PRKAA2: variants seen among roughly 807,000 people sequenced by gnomAD.
PRKAA2 encodes 5'-AMP-activated protein kinase catalytic subunit alpha-2.
Under a neutral mutation model 56.3 loss-of-function variants are expected in PRKAA2, and 40 were observed. The observed-to-expected ratio is 0.71, with a 90% confidence interval of 0.55 to 0.92. The LOEUF is 0.92. PRKAA2 is among the 40% of genes least tolerant of loss of function. PRKAA2 has a pLI of 0.00. For synonymous variants in PRKAA2, 214 were observed against 234.2 expected (o/e 0.91, Z 0.79); for missense variants, 542 against 686.9 (o/e 0.79, Z 2.36).
intron 2 of PRKAA2, among the ~76,000 whole-genome samples, chr1:56,689,896 A>T (rs1644215618): frequency 1.3e-5 from 1 of 74,242 alleles, no homozygotes; most frequent in Non-Finnish European, 2.4e-5. Context: ...ACAGACACAC[A>T]GACACACACA....
intron 2 of PRKAA2, among the ~76,000 whole-genome samples, chr1:56,685,102 A>G (rs1016162930): frequency 9.9e-5 from 15 of 152,188 alleles, no homozygotes; most frequent in African/African-American, 2.9e-4. Context: ...GAGGCATTCA[A>G]AGAACTTAAA....
At chr1:56,704,528 A>G in intron 7 of PRKAA2, 53 bp downstream of exon 7, 2 of 1,523,664 alleles carry the variant, frequency 1.3e-6, no homozygotes, top group Non-Finnish European at 1.7e-6. Context: ...TTTCTATATT[A>G]TAAGCTGCTC....
At chr1:56,668,373 C>T (rs910842704) in intron 1 of PRKAA2, among the ~76,000 whole-genome samples, 4 of 149,810 alleles carry the variant, frequency 2.7e-5, no homozygotes, top group African/African-American at 9.9e-5. Context: ...ATGTAACAAA[C>T]CTGCACATTG....
At chr1:56,688,696 A>G (rs1437104770) in intron 2 of PRKAA2, among the ~76,000 whole-genome samples, 1 of 152,264 alleles carries the variant, frequency 6.6e-6, no homozygotes, top group Admixed American at 6.5e-5. Context: ...CAAACAACAG[A>G]GATGGCAAGG....
intron 1 of PRKAA2, among the ~76,000 whole-genome samples, chr1:56,669,636 C>T (rs1644061224): frequency 6.6e-6 from 1 of 152,058 alleles, no homozygotes; most frequent in South Asian, 2.1e-4. Context: ...GTGTTCCTGA[C>T]AATAGGCGAA....
rs1644379770 is a variant in PRKAA2 at position 56,713,115 on chromosome 1, T to A, written c.*5402T>A. 6.6e-6 allele frequency: 1 copy of A among 152,192 alleles called. No individual in the cohort carries two copies. Among genetic ancestry groups the A allele is most frequent in the Non-Finnish European group, 1.5e-5 (1 of 68,036 alleles). The allele number at this position is 152,192 out of a possible 1,614,324, so 9.4% of individuals were successfully genotyped here. A position where few individuals can be genotyped will look rare whatever the true frequency, so the allele number is the denominator to read the frequency against. On this transcript the variant is annotated 3_prime_UTR_variant, in exon 9 of 9. Coordinates refer to ENST00000371244, the MANE Select transcript of PRKAA2 (RefSeq NM_006252.4). ...TTTGAGCTTTAAAAATTATAAAAAC[T>A]TCATTTAAACAAGTTGCTGGCATCA...
intron 1 of PRKAA2, among the ~76,000 whole-genome samples, chr1:56,652,062 GAGTGC>G (rs1643902995): frequency 6.7e-6 from 1 of 148,698 alleles, no homozygotes; most frequent in South Asian, 2.2e-4. Context: ...CACCAGTCTG[GAGTGC>G]AGTGGCGCGA....
At position 56,714,078 on chromosome 1, in the gene PRKAA2, A is replaced by G. The variant is rs1277226792; in HGVS notation, c.*6365A>G. ...AGTTGTTCACTAAATGTATTTTCCTATTTCTTTCATGTTGATTGACTTTAT... is the reference window on the plus strand; with the variant it reads ...AGTTGTTCACTAAATGTATTTTCCTGTTTCTTTCATGTTGATTGACTTTAT... On this transcript the variant is annotated 3_prime_UTR_variant, in exon 9 of 9. Coordinates refer to ENST00000371244, the MANE Select transcript of PRKAA2 (RefSeq NM_006252.4). 1 of 152,052 alleles carries G rather than the reference A, an allele frequency of 6.6e-6. No homozygotes were observed. Among genetic ancestry groups the G allele is most frequent in the Non-Finnish European group, 1.5e-5 (1 of 67,974 alleles). 9.4% of individuals were successfully genotyped at this position (152,052 alleles called of 1,614,324 possible).
Position 56,712,299 on chromosome 1 carries a change from T to C in PRKAA2, c.*4586T>C, listed in dbSNP as rs566479205. On this transcript the variant is annotated 3_prime_UTR_variant, in exon 9 of 9. Transcript: ENST00000371244. ...TGAATTAATAAAACATCAGAGTGGT[T>C]GAGTAGTAAAAATAAACACAGATGT... is the stretch of plus-strand genomic sequence containing the variant. The C allele has an allele frequency of 6.6e-6, 1 of 152,228 alleles. No homozygotes were observed. The highest frequency in any genetic ancestry group is 2.1e-4 in the South Asian group (1 of 4,828). The allele number at this position is 152,228 out of a possible 1,614,324, so 9.4% of individuals were successfully genotyped here.
intron 1 of PRKAA2, among the ~76,000 whole-genome samples, chr1:56,666,263 A>G (rs1644035048): frequency 6.6e-6 from 1 of 152,198 alleles, no homozygotes; most frequent in African/African-American, 2.4e-5. Flanking sequence ...ATGATAAATG[A>G]GACACAGACC....
intron 6 of PRKAA2, among the ~76,000 whole-genome samples, chr1:56,698,758 A>G (rs187784008): frequency 1.3e-5 from 2 of 152,302 alleles, no homozygotes; most frequent in African/African-American, 2.4e-5. Context: ...AAGTTCGGAA[A>G]TATATCTTCA....
At chr1:56,707,104 A>T (rs1265907819) in intron 8 of PRKAA2, among the ~76,000 whole-genome samples, 3 of 152,168 alleles carry the variant, frequency 2.0e-5, no homozygotes, top group Non-Finnish European at 4.4e-5. Flanking sequence ...GCAATATATG[A>T]TGGTGACTTT....
At chr1:56,687,673 A>G (rs1191642864) in intron 2 of PRKAA2, among the ~76,000 whole-genome samples, 1 of 152,222 alleles carries the variant, frequency 6.6e-6, no homozygotes, top group Non-Finnish European at 1.5e-5. Context: ...TCAACCAAGC[A>G]TGATTGCTAC....
At chr1:56,676,350 AAAC>A (rs1475065038) in intron 2 of PRKAA2, among the ~76,000 whole-genome samples, 7 of 152,182 alleles carry the variant, frequency 4.6e-5, no homozygotes, top group Non-Finnish European at 8.8e-5. Context: ...CTGAACATAG[AAAC>A]AACATCAGAA....
intron 2 of PRKAA2, among the ~76,000 whole-genome samples, chr1:56,684,894 G>A (rs1335645577): frequency 6.6e-6 from 1 of 152,136 alleles, no homozygotes; most frequent in African/African-American, 2.4e-5. Context: ...AGATATTGTA[G>A]AATGTTGGTA....
chr1:56,658,599 C>A (rs1643966326), intron 1 of PRKAA2, among the ~76,000 whole-genome samples: 1 of 140,656 alleles, frequency 7.1e-6, no homozygotes, highest in Non-Finnish European at 1.5e-5. Flanking sequence ...CCCCCCCCCG[C>A]CATTTTTTGT....
rs754581632 is a variant in PRKAA2, at chr1:56,703,957, G to C, written c.789-14G>C. On this transcript the variant is annotated splice_polypyrimidine_tract_variant and intron_variant, in intron 6 of 8. Transcript: ENST00000371244. ...ACCATGTCTTACAATAATGTATTGT[G>C]GTGTTTTTCCTAGAGAGCATGAATG... The C allele has an allele frequency of 1.3e-6, 2 of 1,585,776 alleles. No homozygotes were observed. The highest frequency in any genetic ancestry group is 3.5e-5 in the Admixed American group (2 of 57,898).
intron 2 of PRKAA2, among the ~76,000 whole-genome samples, chr1:56,676,159 T>C (rs1311312635): frequency 6.6e-6 from 1 of 152,172 alleles, no homozygotes; most frequent in East Asian, 1.9e-4. Context: ...GCCCCCCATG[T>C]CTATTTCCTA....
chr1:56,706,736 T>C (rs1204637039), intron 8 of PRKAA2, among the ~76,000 whole-genome samples: 1 of 152,140 alleles, frequency 6.6e-6, no homozygotes, highest in Non-Finnish European at 1.5e-5. Context: ...TGCCAAGAAT[T>C]AAACTTGGGT....
Sources: gnomAD v4.1 joint callset for allele counts (sites outside exome capture counted in the v4.1 genomes callset) on GRCh38, gnomAD v4.1.1 for gene constraint, MANE v1.5 for transcripts, NCBI Gene and HGNC (gene_info 2026-07-23, HGNC 2026-07-21) for gene names.